The following ACSS3 variants were observed in gnomAD, a reference collection of about 807,000 sequenced individuals.
The protein encoded by ACSS3 is acyl-CoA synthetase short-chain family member 3, mitochondrial.
Under a neutral mutation model 84.2 loss-of-function variants are expected in ACSS3, and 64 were observed. The observed-to-expected ratio is 0.76, with a 90% CI of 0.62 to 0.94. The LOEUF is 0.94. ACSS3 is among the 40% of genes least tolerant of loss of function. The probability of loss-of-function intolerance (pLI) is 0.00; values close to 1 mark genes in which losing one functional copy is unlikely to be tolerated. For missense variants in ACSS3, 815 were observed against 867.6 expected (o/e 0.94, Z 0.76); for synonymous variants, 317 against 310.1 (o/e 1.02, Z -0.23).
At chr12:81,127,823 G>A (rs936190242) in intron 2 of ACSS3, among the ~76,000 whole-genome samples, 2 of 152,086 alleles carry the variant, frequency 1.3e-5, no homozygotes, top group Non-Finnish European at 2.9e-5. Context: ...CCTTAGGTGA[G>A]CACACTTGCT....
intron 1 of ACSS3, among the ~76,000 whole-genome samples, chr12:81,108,339 C>A (rs532453950): frequency 1.3e-5 from 2 of 151,628 alleles, no homozygotes; most frequent in Non-Finnish European, 2.9e-5. Flanking sequence ...AGTGCAGTGG[C>A]GTGATCTTGG....
intron 15 of ACSS3, among the ~76,000 whole-genome samples, chr12:81,254,475 A>G (rs1244455822): frequency 6.6e-6 from 1 of 152,162 alleles, no homozygotes; most frequent in Non-Finnish European, 1.5e-5. Flanking sequence ...TTGTGTGTAC[A>G]TTATGTGTGC....
chr12:81,253,753 T>C (rs2034222694), intron 15 of ACSS3, 83 bp downstream of exon 15: 2 of 1,404,196 alleles, frequency 1.4e-6, no homozygotes, highest in Non-Finnish European at 2.0e-6. Flanking sequence ...TTAAAAATGG[T>C]TCTCAAATGT....
intron 14 of ACSS3, 37 bp from the exon 15 acceptor site, chr12:81,253,458 G>T (rs1489673267): frequency 1.9e-5 from 31 of 1,613,456 alleles, no homozygotes; most frequent in Non-Finnish European, 2.5e-5. Context: ...ATTAACTAAG[G>T]TTAATTCAGT....
intron 2 of ACSS3, among the ~76,000 whole-genome samples, chr12:81,113,913 C>T (rs969223789): frequency 1.1e-4 from 17 of 151,856 alleles, no homozygotes; most frequent in African/African-American, 3.9e-4. Flanking sequence ...TCAAGTTAGT[C>T]GTTATATTAA....
intron 15 of ACSS3, 78 bp downstream of exon 15, chr12:81,253,748 A>G: frequency 6.9e-7 from 1 of 1,445,272 alleles, no homozygotes; most frequent in South Asian, 1.3e-5. Context: ...AGCTCTTAAA[A>G]ATGGTTCTCA....
At chr12:81,230,761 C>A (rs1287000067) in intron 11 of ACSS3, among the ~76,000 whole-genome samples, 1 of 151,646 alleles carries the variant, frequency 6.6e-6, no homozygotes, top group African/African-American at 2.4e-5. Flanking sequence ...TCTTTTTTTG[C>A]AGATATTATG....
At position 81,256,966 on chromosome 12, in the gene ACSS3, T is replaced by C. The variant is rs2034322478; in HGVS notation, c.*2044T>C. ...TGTGGTCTTCATTAATAACTCATTT[T>C]AATGTCTTAGGAGTAGAATGTGTTT... On this transcript the variant is annotated 3_prime_UTR_variant, in exon 16 of 16. Coordinates refer to ENST00000548058, the MANE Select transcript of ACSS3 (RefSeq NM_024560.4). The C allele has an allele frequency of 6.6e-6, 1 of 152,202 alleles. No individual in the cohort carries two copies. The highest frequency in any genetic ancestry group is 1.5e-5 in the Non-Finnish European group (1 of 68,038). 9.4% of individuals were successfully genotyped at this position (152,202 alleles called of 1,614,324 possible).
intron 7 of ACSS3, among the ~76,000 whole-genome samples, chr12:81,165,415 A>G (rs1887352268): frequency 1.3e-5 from 2 of 152,120 alleles, no homozygotes; most frequent in African/African-American, 4.8e-5. Flanking sequence ...GGAGGCCAAG[A>G]CAGGCGGATC....
intron 14 of ACSS3, 29 bp downstream of exon 14, chr12:81,253,435 T>C (rs200385274): frequency 5.0e-4 from 809 of 1,613,622 alleles, no homozygotes; most frequent in Non-Finnish European, 6.5e-4. Context: ...CCTGATTGCT[T>C]GGGACCTGAA....
intron 13 of ACSS3, among the ~76,000 whole-genome samples, chr12:81,237,587 G>A (rs1009224764): frequency 2.6e-5 from 4 of 151,478 alleles, no homozygotes; most frequent in African/African-American, 9.7e-5. Flanking sequence ...TGAGGTTCTG[G>A]ATCCTATTTA....
intron 8 of ACSS3, among the ~76,000 whole-genome samples, chr12:81,179,368 GA>G (rs1426941839): frequency 3.4e-5 from 5 of 147,732 alleles, no homozygotes; most frequent in African/African-American, 1.2e-4. Context: ...GACAGCAAAA[GA>G]AACTATCAAC....
At chr12:81,182,756 T>C (rs555243233) in intron 8 of ACSS3, among the ~76,000 whole-genome samples, 1 of 152,224 alleles carries the variant, frequency 6.6e-6, no homozygotes, top group East Asian at 1.9e-4. Context: ...TCCTCTTCTC[T>C]CCCCAGTCTC....
chr12:81,241,231 A>G (rs1593234041), intron 13 of ACSS3, among the ~76,000 whole-genome samples: 1 of 151,962 alleles, frequency 6.6e-6, no homozygotes, highest in East Asian at 1.9e-4. Context: ...AATCCAGTCT[A>G]TCATTATTGG....
intron 1 of ACSS3, among the ~76,000 whole-genome samples, chr12:81,082,629 G>T (rs1178844257): frequency 6.6e-6 from 1 of 152,186 alleles, no homozygotes; most frequent in Non-Finnish European, 1.5e-5. Flanking sequence ...TGGAAGGAGA[G>T]AGCCATATCG....
At chr12:81,127,109 G>T (rs984122416) in intron 2 of ACSS3, among the ~76,000 whole-genome samples, 2 of 151,460 alleles carry the variant, frequency 1.3e-5, no homozygotes, top group Non-Finnish European at 1.5e-5. Context: ...TTCTTTTTTA[G>T]ATAACATCTC....
At chr12:81,162,969 G>C (rs1429660840) in intron 7 of ACSS3, among the ~76,000 whole-genome samples, 3 of 152,174 alleles carry the variant, frequency 2.0e-5, no homozygotes, top group African/African-American at 7.2e-5. Context: ...TTCCAAGCCT[G>C]TGTGGGGACA....
At position 81,125,254 on chromosome 12, in the gene ACSS3, G is replaced by A. The variant is rs148901549; in HGVS notation, c.457-9562G>A. Among the ~76,000 whole-genome samples the A allele has an allele frequency of 3.8e-3, 583 of 151,998 alleles. 7 individuals carry two copies. The highest frequency in any genetic ancestry group is 0.014 in the African/African-American group (568 of 41,482). On this transcript the variant is annotated intron_variant, in intron 2 of 15. Coordinates refer to ENST00000548058, the MANE Select transcript of ACSS3 (RefSeq NM_024560.4). ...AACAAAACAAAAAAAATACATAAAT[G>A]TTTCTACTACTAGCTAGTTTCTTAT...
chr12:81,127,935 C>A (rs1043149673), intron 2 of ACSS3, among the ~76,000 whole-genome samples: 11 of 152,132 alleles, frequency 7.2e-5, no homozygotes, highest in Admixed American at 2.6e-4. Context: ...CAAAGTTATA[C>A]TACCCCAAAG....
Sources: gnomAD v4.1 joint callset for allele counts (sites outside exome capture counted in the v4.1 genomes callset) on GRCh38, gnomAD v4.1.1 for gene constraint, MANE v1.5 for transcripts, NCBI Gene and HGNC (gene_info 2026-07-23, HGNC 2026-07-21) for gene names.